Variants in NCSTN observed in about 807,000 individuals in gnomAD.
The protein encoded by NCSTN is nicastrin.
NCSTN carries 22 observed loss-of-function variants against 87.0 expected under a neutral mutation model. That is an observed-to-expected ratio of 0.25 (90% confidence interval 0.18 to 0.36). NCSTN has a LOEUF of 0.36. Ranked by LOEUF, NCSTN falls within the 10% of genes least tolerant of loss-of-function variation. The probability of loss-of-function intolerance (pLI) is 1.00; values close to 1 mark genes in which losing one functional copy is unlikely to be tolerated. For synonymous variants in NCSTN, 306 were observed against 327.1 expected, an observed-to-expected ratio of 0.94 and a Z score of 0.69; for missense variants, 693 against 883.3, an observed-to-expected ratio of 0.78 and a Z score of 2.73.
At chr1:160,352,698 T>G (rs992760935) in intron 8 of NCSTN, among the ~76,000 whole-genome samples, 189 bp from the exon 9 acceptor site, 1 of 152,136 alleles carries the variant, frequency 6.6e-6, no homozygotes, top group Non-Finnish European at 1.5e-5. Flanking sequence ...TTGTAATACA[T>G]ATGAGGGATA....
At chr1:160,348,388 CT>C (rs1648632315) in intron 2 of NCSTN, among the ~76,000 whole-genome samples, 1 of 152,202 alleles carries the variant, frequency 6.6e-6, no homozygotes, top group Admixed American at 6.5e-5. Flanking sequence ...CTGGAGGTGA[CT>C]TTGGAAACCC....
chr1:160,353,884 G>GAA (rs77004914), intron 10 of NCSTN, among the ~76,000 whole-genome samples: 398 of 151,594 alleles, frequency 2.6e-3, no homozygotes, highest in Non-Finnish European at 3.5e-3. Flanking sequence ...TTATAAATAT[G>GAA]AAAAAAAAGG....
Position 160,353,189 on chromosome 1 carries a change from G to T in NCSTN, c.1131G>T (p.Trp377Cys). The T allele has an allele frequency of 6.2e-7, 1 of 1,614,088 alleles. No homozygotes were observed. Among genetic ancestry groups the T allele is most frequent in the Middle Eastern group, 1.6e-4 (1 of 6,062 alleles). Residue 377 changes from tryptophan to cysteine, a missense_variant, in exon 10 of 17, where the codon TGG becomes TGT. By Grantham distance (215) the Trp-to-Cys change is radical. Transcript: ENST00000294785. ...QVALRTSLEL[W>C]MHTDPVSQKN... ...CCTTAAGAACTTCATTAGAGCTTTG[G>T]ATGCACACAGATCCTGTTTCTCAGA... is the stretch of plus-strand genomic sequence containing the variant.
Position 160,354,200 on chromosome 1 carries a change from C to A in NCSTN, c.1262C>A (p.Pro421His). ...CTCAGGAGGCCAAATCAGTCCCAGC[C>A]TCTCCCACCATCTTCCCTGCAGCGA... ...VILRRPNQSQPLPPSSLQRFL... is the reference protein window; with the variant it reads ...VILRRPNQSQHLPPSSLQRFL... The change falls in exon 11 of 17, where the codon CCT becomes CAT. Residue 421 changes from proline to histidine, a missense_variant. This residue lies in a region of NCSTN where 108 missense variants were observed against 111.6 expected (regional missense o/e 0.97). Transcript: ENST00000294785. 2 of 1,614,168 alleles carry A rather than the reference C, an allele frequency of 1.2e-6. No homozygotes were observed. The highest frequency in any genetic ancestry group is 1.7e-6 in the Non-Finnish European group (2 of 1,180,018).
At chr1:160,345,408 G>T (rs1326717597) in intron 2 of NCSTN, among the ~76,000 whole-genome samples, 1 of 151,952 alleles carries the variant, frequency 6.6e-6, no homozygotes, top group Non-Finnish European at 1.5e-5. Context: ...GGCCAGGCTG[G>T]TCTCGAACTC....
At chr1:160,343,645 T>C in intron 1 of NCSTN, 164 bp downstream of exon 1, 1 of 774,498 alleles carries the variant, frequency 1.3e-6, no homozygotes, top group South Asian at 1.5e-5. Context: ...CCCCTTTGCC[T>C]GGACCTGAAG....
intron 4 of NCSTN, 30 bp downstream of exon 4, chr1:160,349,700 A>G (rs746129021): frequency 1.9e-6 from 3 of 1,612,346 alleles, no homozygotes; most frequent in Non-Finnish European, 2.5e-6. Context: ...AGGAGAGCCT[A>G]CTGTCACCTA....
chr1:160,356,859 G>A (rs746743366), intron 15 of NCSTN, 105 bp downstream of exon 15: 4 of 1,490,458 alleles, frequency 2.7e-6, no homozygotes, highest in Non-Finnish European at 3.7e-6. Flanking sequence ...ATGGAGAGGT[G>A]GAGAGATGCA....
At chr1:160,357,519 C>T (rs759650152) in intron 16 of NCSTN, among the ~76,000 whole-genome samples, 45 of 152,216 alleles carry the variant, frequency 3.0e-4, no homozygotes, top group Admixed American at 5.2e-4. Context: ...GTTCTCCTGC[C>T]TCAGCCTTTC....
In NCSTN at chr1:160,349,348, C is replaced by G. The variant is rs1426118300; in HGVS notation, c.315-201C>G. On this transcript the variant is annotated intron_variant, in intron 3 of 16. Transcript: ENST00000294785. ...AGTAACCCTGGGCATCCCTCCCCTC[C>G]CTCCCTGGGGTCCTTACTCACTAAA... The G allele has an allele frequency of 5.4e-6, 5 of 933,174 alleles. No homozygotes were observed. In the Admixed American group the frequency reaches 1.0e-4, roughly 19 times the overall value. 57.8% of individuals were successfully genotyped at this position (933,174 alleles called of 1,614,324 possible).
chr1:160,353,289 C>A, intron 10 of NCSTN, 52 bp downstream of exon 10: 1 of 1,613,444 alleles, frequency 6.2e-7, no homozygotes, highest in Non-Finnish European at 8.5e-7. Flanking sequence ...AGAATCCAGA[C>A]CCCAACCCCT....
At chr1:160,351,496 G>A in intron 6 of NCSTN, 124 bp downstream of exon 6, 2 of 1,362,042 alleles carry the variant, frequency 1.5e-6, no homozygotes, top group Non-Finnish European at 2.1e-6. Flanking sequence ...GCTCTGCATG[G>A]GAGAACTAGA....
intron 2 of NCSTN, chr1:160,345,065 A>C: frequency 1.7e-6 from 1 of 590,890 alleles, no homozygotes; most frequent in Non-Finnish European, 3.0e-6. Context: ...ACCCCACAAA[A>C]TAGGTCTTAC....
rs760016375 is a variant in NCSTN, at chr1:160,353,153, C to T, written c.1102-7C>T. 3.7e-6 allele frequency: 6 copies of T among 1,613,774 alleles called. No homozygotes were observed. Among genetic ancestry groups the T allele is most frequent in the Non-Finnish European group, 3.4e-6 (4 of 1,179,774 alleles). On this transcript the variant is annotated splice_region_variant and splice_polypyrimidine_tract_variant and intron_variant, in intron 9 of 16. Coordinates refer to ENST00000294785, the MANE Select transcript of NCSTN (RefSeq NM_015331.3). ...TTCTAAGTGTTGTTTCTTCATCCTC[C>T]CCCCAGGTGGCCTTAAGAACTTCAT...
chr1:160,354,707 A>G (rs1422364222), intron 11 of NCSTN, among the ~76,000 whole-genome samples: 3 of 152,212 alleles, frequency 2.0e-5, no homozygotes, highest in Admixed American at 2.0e-4. Context: ...ATACTCTGTG[A>G]AATGTACCAT....
intron 8 of NCSTN, among the ~76,000 whole-genome samples, 162 bp downstream of exon 8, chr1:160,352,368 T>G (rs1286456851): frequency 6.6e-6 from 1 of 152,230 alleles, no homozygotes; most frequent in Non-Finnish European, 1.5e-5. Flanking sequence ...ATTCCTCCAT[T>G]TTAGGAAGCT....
intron 6 of NCSTN, 148 bp from the exon 7 acceptor site, chr1:160,351,548 T>TAG: frequency 8.1e-7 from 1 of 1,233,686 alleles, no homozygotes; most frequent in Non-Finnish European, 1.2e-6. Context: ...CTAAAGTGGA[T>TAG]AGTGGCAGAG....
Position 160,350,245 on chromosome 1 carries a change from A to G in NCSTN, c.577A>G (p.Lys193Glu). The G allele has an allele frequency of 6.2e-7, 1 of 1,614,116 alleles. No individual in the cohort carries two copies. The highest frequency in any genetic ancestry group is 8.5e-7 in the Non-Finnish European group (1 of 1,179,968). The change falls in exon 5 of 17, where the codon AAG becomes GAG. Residue 193 changes from lysine to glutamate, a missense_variant. Physicochemically the swap from Lys to Glu is moderately conservative, Grantham distance 56 (BLOSUM62 1). This residue lies in a region of NCSTN where 235 missense variants were observed against 233.9 expected (regional missense o/e 1.00). Coordinates refer to ENST00000294785, the MANE Select transcript of NCSTN (RefSeq NM_015331.3). ...AGATGAAAATGAAACCAAAGTCATC[A>G]AGCAGGTAATGACACTGCCAGCTCC... Reference protein sequence around the residue: ...LEDENETKVIKQCYQDHNLSQ... With the variant: ...LEDENETKVIEQCYQDHNLSQ...
chr1:160,354,546 C>T (rs1186173052), intron 11 of NCSTN, among the ~76,000 whole-genome samples: 5 of 152,136 alleles, frequency 3.3e-5, no homozygotes, highest in African/African-American at 4.8e-5. Flanking sequence ...CCACTGCTCC[C>T]TAGCTCTCCA....
Sources: gnomAD v4.1 joint callset for allele counts (sites outside exome capture counted in the v4.1 genomes callset) on GRCh38, gnomAD v4.1.1 for gene constraint, gnomAD v4.1.1 regional missense constraint, MANE v1.5 for transcripts, NCBI Gene and HGNC (gene_info 2026-07-23, HGNC 2026-07-21) for gene names.